Variants in MFHAS1 observed in about 807,000 individuals in gnomAD.
The protein encoded by MFHAS1 is multifunctional ROCO family signaling regulator 1.
In MFHAS1, 50 loss-of-function variants were observed where a neutral mutation model predicts 70.4. That is an observed-to-expected ratio of 0.71 (90% CI 0.57 to 0.90). MFHAS1 has a LOEUF of 0.90. Ranked by LOEUF, MFHAS1 falls within the 40% of genes least tolerant of loss-of-function variation. MFHAS1 has a pLI of 0.00. For missense variants in MFHAS1, 1,795 were observed against 1,347.6 expected, an observed-to-expected ratio of 1.33 and a Z score of -5.20; for synonymous variants, 952 against 620.0, an observed-to-expected ratio of 1.54 and a Z score of -7.96.
In MFHAS1 at chr8:8,848,896, C is replaced by T. The variant is rs570516888; in HGVS notation, c.2998+41165G>A. Among the ~76,000 whole-genome samples, 25 of 152,156 alleles carry T rather than the reference C, an allele frequency of 1.6e-4. No individual in the cohort carries two copies. In the South Asian group the frequency reaches 5.0e-3, roughly 30 times the overall value. On this transcript the variant is annotated intron_variant, in intron 1 of 2. Transcript: ENST00000276282. ...TTAAAAACTGGTTAAATCAAGTTAC[C>T]TTTTTTCTTCTGAAGGTAGGAAGAG...
At chr8:8,791,124 C>T (rs1045660452) in intron 2 of MFHAS1, among the ~76,000 whole-genome samples, 6 of 128,434 alleles carry the variant, frequency 4.7e-5, no homozygotes, top group East Asian at 2.0e-4. Context: ...CCACCCCACC[C>T]GTTTTTTTTT....
chr8:8,832,705 G>A (rs572399114), intron 1 of MFHAS1, among the ~76,000 whole-genome samples: 6 of 141,056 alleles, frequency 4.3e-5, no homozygotes, highest in Non-Finnish European at 6.0e-5. Context: ...CATAGCTGAC[G>A]GCCACCTTGA....
Position 8,786,718 on chromosome 8 carries a change from C to T in MFHAS1, c.3126-663G>A, listed in dbSNP as rs141058434. On this transcript the variant is annotated intron_variant, in intron 2 of 2. Coordinates refer to ENST00000276282, the MANE Select transcript of MFHAS1 (RefSeq NM_004225.3). ...TTTGAAAGTGGTTTTTTTTTTTTAG[C>T]AACTTTTAATAAAATATACAAAGAC... Among the ~76,000 whole-genome samples, 846 of 140,980 alleles carry T rather than the reference C, an allele frequency of 6.0e-3. 14 individuals are homozygous for T. Among genetic ancestry groups the T allele is most frequent in the African/African-American group, 0.021 (790 of 37,878 alleles). 92.5% of individuals were successfully genotyped at this position (140,980 alleles called of 152,430 possible).
intron 1 of MFHAS1, among the ~76,000 whole-genome samples, chr8:8,857,029 C>G (rs768504579): frequency 1.4e-5 from 2 of 142,798 alleles, no homozygotes; most frequent in Non-Finnish European, 3.0e-5. Context: ...ACCGAAAGAG[C>G]CAGGCTGTTC....
intron 1 of MFHAS1, among the ~76,000 whole-genome samples, chr8:8,798,584 A>C (rs1051096792): frequency 6.6e-6 from 1 of 151,956 alleles, no homozygotes. Flanking sequence ...CAATCCTCCC[A>C]CCTCAGCCTC....
Position 8,794,822 on chromosome 8 carries a change from T to A in MFHAS1, c.3125+2543A>T, listed in dbSNP as rs117306539. On this transcript the variant is annotated intron_variant, in intron 2 of 2. Coordinates refer to ENST00000276282, the MANE Select transcript of MFHAS1 (RefSeq NM_004225.3). ...AAGAGGCTTCCTCGGCATTTGGATG[T>A]CTGGCGCCATGTACCGCCGCTTACC... Among the ~76,000 whole-genome samples the A allele has an allele frequency of 4.5e-4, 68 of 152,344 alleles. No individual in the cohort carries two copies. In the East Asian group the frequency reaches 0.012, roughly 26 times the overall value.
intron 1 of MFHAS1, among the ~76,000 whole-genome samples, chr8:8,881,434 G>C (rs1251512239): frequency 6.6e-6 from 1 of 152,178 alleles, no homozygotes; most frequent in Non-Finnish European, 1.5e-5. Context: ...CACACCAGCA[G>C]GTGTAACCTG....
intron 1 of MFHAS1, among the ~76,000 whole-genome samples, chr8:8,852,752 AGCC>A (rs923946397): frequency 1.3e-5 from 2 of 152,184 alleles, no homozygotes; most frequent in Non-Finnish European, 2.9e-5. Context: ...AATAGGGCAC[AGCC>A]AAGAGAAAGC....
chr8:8,798,815 G>A (rs537899493), intron 1 of MFHAS1, among the ~76,000 whole-genome samples: 1 of 152,258 alleles, frequency 6.6e-6, no homozygotes, highest in South Asian at 2.1e-4. Context: ...TTGGAAGGCT[G>A]AGGCAGGTGG....
intron 1 of MFHAS1, among the ~76,000 whole-genome samples, chr8:8,798,177 A>G (rs1805973931): frequency 6.6e-6 from 1 of 152,240 alleles, no homozygotes; most frequent in Admixed American, 6.5e-5. Flanking sequence ...CTAGATCATT[A>G]CATCTCTAAA....
chr8:8,884,770 G>C (rs550319080), intron 1 of MFHAS1, among the ~76,000 whole-genome samples: 3 of 152,236 alleles, frequency 2.0e-5, no homozygotes, highest in South Asian at 2.1e-4. Flanking sequence ...GCAACACAGC[G>C]AAACCCTGTC....
intron 1 of MFHAS1, among the ~76,000 whole-genome samples, chr8:8,850,686 T>C (rs989188644): frequency 2.6e-5 from 4 of 152,034 alleles, no homozygotes; most frequent in South Asian, 2.1e-4. Flanking sequence ...AACCCCAAAA[T>C]TAGCCTCGCT....
intron 1 of MFHAS1, among the ~76,000 whole-genome samples, chr8:8,870,160 A>G (rs1379335793): frequency 6.6e-6 from 1 of 152,118 alleles, no homozygotes; most frequent in Non-Finnish European, 1.5e-5. Context: ...ATAGGCTAAA[A>G]GTTATTTACA....
chr8:8,858,446 A>T (rs1355162334), intron 1 of MFHAS1, among the ~76,000 whole-genome samples: 6 of 152,128 alleles, frequency 3.9e-5, no homozygotes, highest in Non-Finnish European at 8.8e-5. Context: ...CCAGTTTTGG[A>T]GCCTAGGAAG....
In MFHAS1 at chr8:8,890,578, C is replaced by T; in HGVS notation, c.2481G>A (p.Met827Ile). ...GTTTATTGAGGCAGTAACAGAGTCC[C>T]ATCTTCTCCAGCAGCTCCAGCAACA... ...LQLLLELLEKMGLCYCLNKPK... is the reference protein window; with the variant it reads ...LQLLLELLEKIGLCYCLNKPK... Residue 827 changes from methionine to isoleucine, a missense_variant, in exon 1 of 3, where the codon ATG becomes ATA. Met to Ile is a conservative substitution (Grantham distance 10). Coordinates refer to ENST00000276282, the MANE Select transcript of MFHAS1 (RefSeq NM_004225.3). 1 of 1,613,748 alleles carries T rather than the reference C, an allele frequency of 6.2e-7. No homozygotes were observed. The highest frequency in any genetic ancestry group is 8.5e-7 in the Non-Finnish European group (1 of 1,180,048).
At chr8:8,824,105 C>T (rs145747996) in intron 1 of MFHAS1, among the ~76,000 whole-genome samples, 227 of 151,674 alleles carry the variant, frequency 1.5e-3, no homozygotes, top group Non-Finnish European at 2.0e-3. Flanking sequence ...TCTATGCATC[C>T]GTACAGCTCT....
intron 2 of MFHAS1, among the ~76,000 whole-genome samples, chr8:8,796,492 G>C (rs1207763787): frequency 6.6e-6 from 1 of 151,308 alleles, no homozygotes; most frequent in East Asian, 1.9e-4. Flanking sequence ...GATCATCCTG[G>C]CTAACAGGGT....
At chr8:8,889,576 C>G (rs190080181) in intron 1 of MFHAS1, among the ~76,000 whole-genome samples, 1 of 152,226 alleles carries the variant, frequency 6.6e-6, no homozygotes, top group East Asian at 1.9e-4. Flanking sequence ...TCTCATGCAC[C>G]CCACAAATAT....
At chr8:8,807,880 T>C in intron 1 of MFHAS1, among the ~76,000 whole-genome samples, 1 of 152,378 alleles carries the variant, frequency 6.6e-6, no homozygotes, top group Middle Eastern at 3.4e-3. Flanking sequence ...TATGTATCAC[T>C]ATATATAGTG....
Sources: allele counts gnomAD v4.1 joint callset (sites outside exome capture counted in the v4.1 genomes callset), GRCh38; gene constraint gnomAD v4.1.1; transcripts MANE v1.5; gene names NCBI Gene and HGNC (gene_info 2026-07-23, HGNC 2026-07-21).